Variants in GALNT2 observed in about 807,000 individuals in gnomAD.
The protein encoded by GALNT2 is polypeptide N-acetylgalactosaminyltransferase 2, also known as UDP-GalNAc:polypeptide N-acetylgalactosaminyltransferase 2.
In GALNT2, 31 loss-of-function variants were observed where a neutral mutation model predicts 81.4. That is an observed-to-expected ratio of 0.38 (90% CI 0.29 to 0.51). The LOEUF (loss-of-function observed/expected upper bound fraction) is 0.51, where lower values mean the gene tolerates loss of function less well. Ranked by LOEUF, GALNT2 falls within the 20% of genes least tolerant of loss-of-function variation. The probability of loss-of-function intolerance (pLI) is 0.87; values close to 1 mark genes in which losing one functional copy is unlikely to be tolerated. For missense variants in GALNT2, 629 were observed against 765.7 expected (o/e 0.82, Z 2.11); for synonymous variants, 303 against 287.4 (o/e 1.05, Z -0.55).
intron 1 of GALNT2, among the ~76,000 whole-genome samples, chr1:230,134,149 A>C (rs1661461038): frequency 1.4e-5 from 2 of 144,504 alleles, no homozygotes; most frequent in South Asian, 4.4e-4. Context: ...TCACTCTGTC[A>C]CCAGGCTGGA....
rs1666427307 is a variant in GALNT2, at chr1:230,281,048, A to T, written c.*1590A>T. ...GAGGCTGGCACGGCCTGGCAGTCTG[A>T]GAAAAGCGTCAGTTAGGCACACCTG... is the stretch of plus-strand genomic sequence containing the variant. On this transcript the variant is annotated 3_prime_UTR_variant, in exon 16 of 16. Transcript: ENST00000366672. The T allele has an allele frequency of 6.6e-6, 1 of 152,194 alleles. No individual in the cohort carries two copies. The highest frequency in any genetic ancestry group is 2.4e-5 in the African/African-American group (1 of 41,430). 9.4% of individuals were successfully genotyped at this position (152,194 alleles called of 1,614,324 possible).
At chr1:230,145,711 GGACGTCAGGCAAGCCCA>G in intron 1 of GALNT2, among the ~76,000 whole-genome samples, 1 of 152,334 alleles carries the variant, frequency 6.6e-6, no homozygotes, top group East Asian at 1.9e-4. Flanking sequence ...CAGCACAGCA[GGACGTCAGGCAAGCCCA>G]GACGTCAGGC....
chr1:230,178,123 G>A lies in GALNT2; in HGVS notation c.127-95G>A, dbSNP rs1235952677. ...CTCATCAGTGCATCCCCAGGGCCAA[G>A]TGTTAACTCTCCTAAGACTCGGTAT... On this transcript the variant is annotated intron_variant, in intron 1 of 15. Transcript: ENST00000366672. The A allele has an allele frequency of 4.3e-6, 4 of 934,486 alleles. No homozygotes were observed. The East Asian group carries it at 7.5e-5, about 18-fold the overall frequency. 57.9% of individuals were successfully genotyped at this position (934,486 alleles called of 1,614,324 possible).
At chr1:230,121,738 C>A (rs1661021042) in intron 1 of GALNT2, among the ~76,000 whole-genome samples, 1 of 152,076 alleles carries the variant, frequency 6.6e-6, no homozygotes, top group African/African-American at 2.4e-5. Flanking sequence ...CCTTCAGCAG[C>A]CCCAGGAGGA....
At chr1:230,201,785 C>T (rs1663900584) in intron 2 of GALNT2, among the ~76,000 whole-genome samples, 1 of 152,174 alleles carries the variant, frequency 6.6e-6, no homozygotes, top group Admixed American at 6.5e-5. Context: ...GACACTAGGA[C>T]CTTTGCACTG....
At chr1:230,212,957 TG>T (rs1487687422) in intron 3 of GALNT2, among the ~76,000 whole-genome samples, 2 of 152,204 alleles carry the variant, frequency 1.3e-5, no homozygotes, top group African/African-American at 4.8e-5. Flanking sequence ...TTTGTGTCGA[TG>T]TTGGCATCTC....
intron 1 of GALNT2, among the ~76,000 whole-genome samples, chr1:230,134,334 C>A (rs1005318364): frequency 3.3e-5 from 5 of 152,130 alleles, no homozygotes; most frequent in African/African-American, 1.2e-4. Context: ...GTCTCAATCT[C>A]CTGACCTCAT....
chr1:230,199,470 C>T (rs1002648463), intron 2 of GALNT2, among the ~76,000 whole-genome samples: 4 of 152,110 alleles, frequency 2.6e-5, no homozygotes, highest in African/African-American at 7.2e-5. Flanking sequence ...GTGGTGAAGC[C>T]AGTTTCGAGA....
intron 9 of GALNT2, 66 bp from the exon 10 acceptor site, chr1:230,250,391 G>A: frequency 1.7e-6 from 2 of 1,199,304 alleles, no homozygotes; most frequent in Non-Finnish European, 2.5e-6. Context: ...TTGGCGCAAG[G>A]GTGCTGGCAA....
rs141375194 is a variant in GALNT2 at position 230,279,342 on chromosome 1, G to A, written c.1600G>A (p.Val534Met). The change falls in exon 16 of 16, where the codon GTG becomes ATG. Residue 534 changes from valine to methionine, a missense_variant. Around this residue, in one of 3 missense-constraint regions of GALNT2, gnomAD observed 207 missense variants for 225.5 expected, o/e 0.92. Transcript: ENST00000366672. The surrounding 1 kb of genome is among the most constrained non-coding windows in gnomAD (Gnocchi z 4.6). ...QIEGNSKLRH[V>M]GSNLCLDSRT... ...CGAGGGCAACTCCAAGCTGAGGCAC[G>A]TGGGCAGCAACCTGTGCCTGGACAG... The A allele has an allele frequency of 2.5e-4, 411 of 1,614,022 alleles. No individual in the cohort carries two copies. The highest frequency in any genetic ancestry group is 3.3e-4 in the Non-Finnish European group (385 of 1,180,032).
intron 3 of GALNT2, among the ~76,000 whole-genome samples, chr1:230,227,198 C>T (rs1468132454): frequency 1.3e-5 from 2 of 151,962 alleles, no homozygotes; most frequent in Non-Finnish European, 1.5e-5. Flanking sequence ...TGCAAACCAT[C>T]AAAAGAAATT....
chr1:230,075,000 A>G (rs1659491510), intron 1 of GALNT2, among the ~76,000 whole-genome samples: 1 of 151,778 alleles, frequency 6.6e-6, no homozygotes, highest in Admixed American at 6.6e-5. Context: ...TGGGCCTCCC[A>G]TGCCCCTTCC....
chr1:230,271,546 C>G lies in GALNT2; in HGVS notation c.1441-2899C>G, dbSNP rs1221250296. Among the ~76,000 whole-genome samples, 1 of 152,234 alleles carries G rather than the reference C, an allele frequency of 6.6e-6. No individual in the cohort carries two copies. The highest frequency in any genetic ancestry group is 6.5e-5 in the Admixed American group (1 of 15,292). On this transcript the variant is annotated intron_variant, in intron 14 of 15. Transcript: ENST00000366672. This position sits in a 1 kb window ranked among gnomAD's most constrained non-coding sequence, Gnocchi z 4.2. ...AGATGCTTCTACTCCAGATGCCAGT[C>G]ACAAGTCCAAGTTGTCACCTGCTGT... is the stretch of plus-strand genomic sequence containing the variant.
intron 1 of GALNT2, among the ~76,000 whole-genome samples, chr1:230,135,030 G>C (rs537720881): frequency 1.3e-5 from 2 of 152,326 alleles, no homozygotes; most frequent in South Asian, 2.1e-4. Flanking sequence ...CTAAAGCATT[G>C]CCCTCACATA....
chr1:230,254,099 A>G (rs538077702), intron 10 of GALNT2, among the ~76,000 whole-genome samples: 145 of 152,296 alleles, frequency 9.5e-4, no homozygotes, highest in African/African-American at 3.1e-3. Context: ...CCTGGTAAAG[A>G]AAAACTGTTT....
At chr1:230,255,583 A>G in intron 11 of GALNT2, 1 of 547,838 alleles carries the variant, frequency 1.8e-6, no homozygotes, top group Non-Finnish European at 3.3e-6. Context: ...CTCATGTCAC[A>G]GCCTCATAAA....
At chr1:230,065,240 A>C (rs1036833464), upstream of GALNT2, among the ~76,000 whole-genome samples, 1 of 152,070 alleles carries the variant, frequency 6.6e-6, no homozygotes, top group East Asian at 1.9e-4. Flanking sequence ...GCCATTCTTC[A>C]GTGTCCTTTT....
Position 230,236,717 on chromosome 1 carries a change from G to A in GALNT2, c.599G>A (p.Arg200Gln), listed in dbSNP as rs369808855. The change falls in exon 6 of 16, where the codon CGA becomes CAA. Residue 200 changes from arginine to glutamine, a missense_variant. By Grantham distance (43) the Arg-to-Gln change is conservative. Around this residue, in one of 3 missense-constraint regions of GALNT2, gnomAD observed 360 missense variants for 492.8 expected, o/e 0.73. Coordinates refer to ENST00000366672, the MANE Select transcript of GALNT2 (RefSeq NM_004481.5). Reference sequence around the variant, plus strand: ...AAAGTGCGAGTTCTTAGAAATGATCGACGAGAAGGTAAGATTCTTCTTAAT... The same window carrying A: ...AAAGTGCGAGTTCTTAGAAATGATCAACGAGAAGGTAAGATTCTTCTTAAT... ...IEKVRVLRND[R>Q]REGLMRSRVR... 6.2e-6 allele frequency: 10 copies of A among 1,613,184 alleles called. No individual in the cohort carries two copies. In the African/African-American group the frequency reaches 9.4e-5, roughly 15 times the overall value.
chr1:230,143,987 A>G (rs1661831885), intron 1 of GALNT2, among the ~76,000 whole-genome samples: 2 of 152,280 alleles, frequency 1.3e-5, no homozygotes, highest in South Asian at 4.1e-4. Context: ...TGGAGGTGAC[A>G]CATCTTAGGA....
Sources: gnomAD v4.1 joint callset for allele counts (sites outside exome capture counted in the v4.1 genomes callset) on GRCh38, gnomAD v4.1.1 for gene constraint, gnomAD v4.1.1 regional missense constraint, Gnocchi (gnomAD v3.1) non-coding constraint, MANE v1.5 for transcripts, NCBI Gene and HGNC (gene_info 2026-07-23, HGNC 2026-07-21) for gene names.